The following PLEKHA2 variants were observed in gnomAD, a reference collection of about 807,000 sequenced individuals.
The protein encoded by PLEKHA2 is pleckstrin homology domain-containing family A member 2.
In PLEKHA2, 28 loss-of-function variants were observed where a neutral mutation model predicts 53.2. That is an observed-to-expected ratio of 0.53 (90% confidence interval 0.39 to 0.72). The LOEUF is 0.72. Ranked by LOEUF, PLEKHA2 falls within the 30% of genes least tolerant of loss-of-function variation. The probability of loss-of-function intolerance (pLI) is 0.00; values close to 1 mark genes in which losing one functional copy is unlikely to be tolerated. For synonymous variants in PLEKHA2, 193 were observed against 196.4 expected, an observed-to-expected ratio of 0.98 and a Z score of 0.14; for missense variants, 426 against 537.9, an observed-to-expected ratio of 0.79 and a Z score of 2.06.
intron 1 of PLEKHA2, among the ~76,000 whole-genome samples, chr8:38,908,374 A>G (rs1296435329): frequency 2.6e-5 from 4 of 152,232 alleles, no homozygotes; most frequent in Non-Finnish European, 5.9e-5. Context: ...TGAAACATTT[A>G]TTTATTAGGT....
rs559225882 is a variant in PLEKHA2, at chr8:38,938,452, G to GCTGCCACTGCTT, written c.198+2409_198+2420dup. Among the ~76,000 whole-genome samples, 504 of 152,350 alleles carry GCTGCCACTGCTT rather than the reference G, an allele frequency of 3.3e-3. 9 individuals are homozygous for GCTGCCACTGCTT. In the East Asian group the frequency reaches 0.037, roughly 11 times the overall value. On this transcript the variant is annotated intron_variant, in intron 3 of 11. Transcript: ENST00000617275. ...CAGCAGAGCTAGGAGACCTTGTTTT[G>GCTGCCACTGCTT]CTGCCACTGCTTCTGCCAGAGGGGC...
intron 10 of PLEKHA2, among the ~76,000 whole-genome samples, chr8:38,958,822 G>A (rs558448064): frequency 5.8e-4 from 89 of 152,254 alleles, no homozygotes; most frequent in African/African-American, 2.1e-3. Flanking sequence ...GGGACACCAG[G>A]TTAAACAGAA....
At chr8:38,914,474 C>T (rs1479268569) in intron 1 of PLEKHA2, among the ~76,000 whole-genome samples, 3 of 152,246 alleles carry the variant, frequency 2.0e-5, no homozygotes, top group Non-Finnish European at 4.4e-5. Context: ...GTCTCTCTAG[C>T]TCACCTGCTG....
chr8:38,937,235 C>T (rs1834512329), intron 3 of PLEKHA2, among the ~76,000 whole-genome samples: 2 of 152,206 alleles, frequency 1.3e-5, no homozygotes, highest in South Asian at 4.1e-4. Flanking sequence ...GGAGGAAGGG[C>T]CTTTTCAAGT....
At chr8:38,903,868 C>T (rs771703861) in intron 1 of PLEKHA2, among the ~76,000 whole-genome samples, 4 of 152,142 alleles carry the variant, frequency 2.6e-5, no homozygotes, top group Non-Finnish European at 4.4e-5. Flanking sequence ...GGTGCTGGGA[C>T]GTTGGGTTGC....
chr8:38,961,304 A>C (rs1183393878), intron 10 of PLEKHA2, among the ~76,000 whole-genome samples: 2 of 152,172 alleles, frequency 1.3e-5, no homozygotes, highest in South Asian at 2.1e-4. Flanking sequence ...TTGGGAGGCC[A>C]AGGCAGTGGA....
intron 10 of PLEKHA2, among the ~76,000 whole-genome samples, chr8:38,962,439 G>A (rs1478217735): frequency 6.6e-6 from 1 of 152,192 alleles, no homozygotes; most frequent in East Asian, 1.9e-4. Flanking sequence ...CTCTGTTGGA[G>A]AAGACCAACT....
intron 8 of PLEKHA2, 131 bp downstream of exon 8, chr8:38,952,835 C>T (rs1834871982): frequency 1.1e-6 from 1 of 884,160 alleles, no homozygotes; most frequent in East Asian, 2.6e-5. Context: ...TCTGTCTTAT[C>T]TCCATTCTGT....
intron 2 of PLEKHA2, among the ~76,000 whole-genome samples, chr8:38,925,573 T>C (rs1356433832): frequency 6.6e-6 from 1 of 152,232 alleles, no homozygotes; most frequent in Non-Finnish European, 1.5e-5. Flanking sequence ...GATCATCAAA[T>C]AACCAAAAAG....
At chr8:38,902,252 G>T (rs1833801629) in intron 1 of PLEKHA2, among the ~76,000 whole-genome samples, 1 of 150,820 alleles carries the variant, frequency 6.6e-6, no homozygotes, top group Admixed American at 6.6e-5. Flanking sequence ...AGGCCGTTTA[G>T]AAGGGAAAAG....
chr8:38,902,880 T>C (rs923355741), intron 1 of PLEKHA2, among the ~76,000 whole-genome samples: 1 of 152,176 alleles, frequency 6.6e-6, no homozygotes, highest in African/African-American at 2.4e-5. Flanking sequence ...CCACTTGTTT[T>C]GAGAAGCCAG....
chr8:38,950,252 T>C (rs900601441), intron 5 of PLEKHA2, among the ~76,000 whole-genome samples: 2 of 152,174 alleles, frequency 1.3e-5, no homozygotes, highest in African/African-American at 4.8e-5. Flanking sequence ...CAGGCTGGTC[T>C]TGAACTCCTG....
intron 6 of PLEKHA2, 68 bp downstream of exon 6, chr8:38,951,058 T>G: frequency 9.4e-7 from 1 of 1,064,406 alleles, no homozygotes. Context: ...GCCCATGATG[T>G]GCTCGGAGCA....
Position 38,924,364 on chromosome 8 carries a change from G to A in PLEKHA2, c.141+6294G>A, listed in dbSNP as rs552864321. ...GGCGCTGAGACAGGGAGTCAGGCGC[G>A]GAGGCAAGATCTGTCAGGAAGTTCT... On this transcript the variant is annotated intron_variant, in intron 2 of 11. Transcript: ENST00000617275. Among the ~76,000 whole-genome samples, 21 of 152,266 alleles carry A rather than the reference G, an allele frequency of 1.4e-4. No individual in the cohort carries two copies. The South Asian group carries it at 3.7e-3, about 27-fold the overall frequency.
intron 1 of PLEKHA2, among the ~76,000 whole-genome samples, 166 bp downstream of exon 1, chr8:38,901,611 C>A (rs550065429): frequency 2.0e-5 from 3 of 152,126 alleles, no homozygotes; most frequent in East Asian, 3.9e-4. Flanking sequence ...GGCTGACAGG[C>A]GAGGGGAGGT....
Position 38,972,765 on chromosome 8 carries a change from C to CT in PLEKHA2, c.*2983dup. On this transcript the variant is annotated 3_prime_UTR_variant, in exon 12 of 12. Transcript: ENST00000617275. ...TAAGTGCATAGGCTCTGGAGTAAAT[C>CT]TGAGTTTTTTTTTTTTTAAAGGAAC... The CT allele has an allele frequency of 6.6e-6, 1 of 151,000 alleles. No individual in the cohort carries two copies. The highest frequency in any genetic ancestry group is 1.9e-4 in the East Asian group (1 of 5,146). The allele number at this position is 151,000 out of a possible 1,614,324, so 9.4% of individuals were successfully genotyped here.
At chr8:38,938,899 T>C (rs1834546679) in intron 3 of PLEKHA2, among the ~76,000 whole-genome samples, 1 of 135,420 alleles carries the variant, frequency 7.4e-6, no homozygotes, top group African/African-American at 2.9e-5. Context: ...CCTTTCTTTT[T>C]CTTTTTTTTT....
intron 1 of PLEKHA2, among the ~76,000 whole-genome samples, chr8:38,905,683 T>C (rs1471256901): frequency 8.2e-6 from 1 of 121,368 alleles, no homozygotes; most frequent in Non-Finnish European, 1.7e-5. Flanking sequence ...TTTGTGTTTT[T>C]GCTTTTTTTT....
intron 10 of PLEKHA2, among the ~76,000 whole-genome samples, chr8:38,957,668 G>A (rs978099034): frequency 6.6e-6 from 1 of 152,188 alleles, no homozygotes; most frequent in Non-Finnish European, 1.5e-5. Flanking sequence ...GCAGAGAAAA[G>A]GAGAACCGGT....
Sources: gnomAD v4.1 joint callset for allele counts (sites outside exome capture counted in the v4.1 genomes callset) on GRCh38, gnomAD v4.1.1 for gene constraint, MANE v1.5 for transcripts, NCBI Gene and HGNC (gene_info 2026-07-23, HGNC 2026-07-21) for gene names.